The following DRC9 variants were observed in gnomAD, a reference collection of about 807,000 sequenced individuals.
DRC9 encodes the protein dynein regulatory complex subunit 9, also known as dynein regulatory complex protein 9.
chr3:197,925,902 G>C, the DRC9 span: 1 of 700,870 alleles, frequency 1.4e-6, no homozygotes. Context: ...AATAGTAAAG[G>C]AATGCCGGAG....
the DRC9 span, among the ~76,000 whole-genome samples, chr3:197,948,322 G>C: frequency 1.1e-3 from 166 of 152,312 alleles, 1 homozygote; most frequent in East Asian, 0.023. Flanking sequence ...ACTTGTCCAA[G>C]TGATCCTTTC....
chr3:197,905,833 T>C, the DRC9 span, among the ~76,000 whole-genome samples: 9 of 152,030 alleles, frequency 5.9e-5, no homozygotes, highest in African/African-American at 2.2e-4. Context: ...TTAATGTATT[T>C]CCCTTTATTA....
At chr3:197,924,031 C>T in the DRC9 span, among the ~76,000 whole-genome samples, 1 of 151,928 alleles carries the variant, frequency 6.6e-6, no homozygotes, top group Admixed American at 6.6e-5. Flanking sequence ...GCACTCCAGC[C>T]TGAGTGACAG....
At chr3:197,910,190 C>T in the DRC9 span, among the ~76,000 whole-genome samples, 1 of 152,202 alleles carries the variant, frequency 6.6e-6, no homozygotes, top group African/African-American at 2.4e-5. Context: ...GTCCCAGCTA[C>T]TCAGGAGGCT....
At chr3:197,906,656 A>C in the DRC9 span, 1 of 152,224 alleles carries the variant, frequency 6.6e-6, no homozygotes, top group East Asian at 1.9e-4. Flanking sequence ...TCCCCAGTGC[A>C]CAGTCACTCT....
the DRC9 span, chr3:197,953,546 G>A: frequency 2.2e-6 from 1 of 457,118 alleles, no homozygotes; most frequent in Non-Finnish European, 4.4e-6. Flanking sequence ...ACACTCCTTG[G>A]CCCCAGTGCC....
At chr3:197,946,426 C>G in the DRC9 span, among the ~76,000 whole-genome samples, 1 of 133,756 alleles carries the variant, frequency 7.5e-6, no homozygotes, top group Non-Finnish European at 1.5e-5. Context: ...CAGAGCGAGA[C>G]TCCGTCTCAA....
the DRC9 span, chr3:197,958,653 G>A: frequency 2.6e-5 from 4 of 152,220 alleles, no homozygotes; most frequent in Non-Finnish European, 2.9e-5. Flanking sequence ...TGAGCAAAGC[G>A]GGGGAAAACA....
the DRC9 span, among the ~76,000 whole-genome samples, chr3:197,892,165 T>C: frequency 3.9e-5 from 6 of 152,192 alleles, no homozygotes; most frequent in Non-Finnish European, 8.8e-5. Flanking sequence ...GCTGGGATTA[T>C]AGGCGTTAGC....
At chr3:197,932,334 G>A in the DRC9 span, 3 of 1,588,892 alleles carry the variant, frequency 1.9e-6, no homozygotes. Flanking sequence ...CAAAAAATGA[G>A]TTAATAAATT....
the DRC9 span, chr3:197,913,667 G>A: frequency 1.8e-5 from 11 of 623,442 alleles, no homozygotes; most frequent in Non-Finnish European, 3.1e-5. Context: ...AAGTCATTAT[G>A]AGGCGGGAGA....
chr3:197,899,926 C>T, the DRC9 span, among the ~76,000 whole-genome samples: 1 of 152,242 alleles, frequency 6.6e-6, no homozygotes, highest in African/African-American at 2.4e-5. Context: ...CCCCTGGCAG[C>T]AGCCACACGG....
the DRC9 span, among the ~76,000 whole-genome samples, chr3:197,910,038 G>A: frequency 1.3e-5 from 2 of 152,116 alleles, no homozygotes; most frequent in Non-Finnish European, 2.9e-5. Flanking sequence ...TATGTTTTTA[G>A]GTATAAGTAT....
At chr3:197,918,469 C>A in the DRC9 span, among the ~76,000 whole-genome samples, 2 of 152,008 alleles carry the variant, frequency 1.3e-5, no homozygotes, top group Admixed American at 6.6e-5. Flanking sequence ...TCTTCATCAA[C>A]TGGAATCCTT....
chr3:197,953,704 C>T, the DRC9 span: 1 of 462,224 alleles, frequency 2.2e-6, no homozygotes, highest in Admixed American at 3.3e-5. Context: ...CACACTTGTC[C>T]TTTTTTGCTA....
At chr3:197,895,416 T>G in the DRC9 span, among the ~76,000 whole-genome samples, 1 of 152,076 alleles carries the variant, frequency 6.6e-6, no homozygotes, top group African/African-American at 2.4e-5. Flanking sequence ...ACTACAGGTG[T>G]GCAACACCAT....
At chr3:197,934,888 G>T in the DRC9 span, among the ~76,000 whole-genome samples, 1 of 151,350 alleles carries the variant, frequency 6.6e-6, no homozygotes, top group Non-Finnish European at 1.5e-5. Flanking sequence ...GGGAGGCTGA[G>T]GTGGGAGGGT....
At chr3:197,918,258 C>CTTTTTTTTTTTT in the DRC9 span, among the ~76,000 whole-genome samples, 4 of 60,310 alleles carry the variant, frequency 6.6e-5, no homozygotes, top group African/African-American at 6.4e-5. Flanking sequence ...TAATTTTTTG[C>CTTTTTTTTTTTT]TTTTTTTTTT....
the DRC9 span, among the ~76,000 whole-genome samples, chr3:197,944,453 A>AT: frequency 0.023 from 3,285 of 142,654 alleles, 166 homozygotes; most frequent in African/African-American, 0.085. Flanking sequence ...ATTTTATTTT[A>AT]TTTTATTTTT....
Sources: gnomAD v4.1 joint callset for allele counts (sites outside exome capture counted in the v4.1 genomes callset) on GRCh38, gnomAD v4.1.1 for gene constraint, MANE v1.5 for transcripts, NCBI Gene and HGNC (gene_info 2026-07-23, HGNC 2026-07-21) for gene names.